TRABD2A: variants seen among roughly 807,000 people sequenced by gnomAD.
TRABD2A encodes metalloprotease TIKI1.
Under a neutral mutation model 45.6 loss-of-function variants are expected in TRABD2A, and 43 were observed. The observed-to-expected ratio is 0.94, with a 90% confidence interval of 0.74 to 1.22. The LOEUF (loss-of-function observed/expected upper bound fraction) is 1.22. Ranked by LOEUF, TRABD2A falls within the 50% of genes most tolerant of loss-of-function variation. The pLI is 0.00. For missense variants in TRABD2A, 642 were observed against 652.4 expected, an observed-to-expected ratio of 0.98 and a Z score of 0.17; for synonymous variants, 269 against 265.0, an observed-to-expected ratio of 1.02 and a Z score of -0.15.
intron 2 of TRABD2A, chr2:84,849,279 A>G (rs1231512875): frequency 1.3e-5 from 2 of 152,220 alleles, no homozygotes; most frequent in Non-Finnish European, 2.9e-5. Context: ...CATTTCTCCC[A>G]GATCTCAGAC....
chr2:84,825,054 G>T (rs186488054), intron 5 of TRABD2A, among the ~76,000 whole-genome samples: 1 of 152,282 alleles, frequency 6.6e-6, no homozygotes, highest in East Asian at 1.9e-4. Context: ...TGAAGGGGAT[G>T]GGGGAGCAGA....
At chr2:84,831,294 G>A (rs758809605) in intron 5 of TRABD2A, among the ~76,000 whole-genome samples, 19 of 152,162 alleles carry the variant, frequency 1.2e-4, no homozygotes, top group Non-Finnish European at 2.5e-4. Flanking sequence ...ACCTTGATCT[G>A]GGACTTTCAG....
chr2:84,824,789 T>C (rs1681105960), intron 5 of TRABD2A, among the ~76,000 whole-genome samples: 1 of 152,154 alleles, frequency 6.6e-6, no homozygotes, highest in African/African-American at 2.4e-5. Flanking sequence ...TTAACCCTCT[T>C]AACACTTTCT....
intron 2 of TRABD2A, among the ~76,000 whole-genome samples, chr2:84,856,194 AT>A (rs570705697): frequency 6.6e-6 from 1 of 151,994 alleles, no homozygotes; most frequent in East Asian, 1.9e-4. Context: ...CACCCAGATA[AT>A]TTTTTAAGAC....
intron 1 of TRABD2A, among the ~76,000 whole-genome samples, chr2:84,878,384 G>T (rs529323485): frequency 6.6e-6 from 1 of 152,088 alleles, no homozygotes; most frequent in East Asian, 1.9e-4. Flanking sequence ...AATTAGCCGG[G>T]CTTGGTGGTG....
intron 3 of TRABD2A, 140 bp downstream of exon 3, chr2:84,841,721 G>A: frequency 1.1e-6 from 1 of 880,684 alleles, no homozygotes; most frequent in Non-Finnish European, 1.6e-6. Flanking sequence ...CTCATTCAAT[G>A]ACATCTAAAT....
chr2:84,858,727 G>A (rs1413261453), intron 2 of TRABD2A, among the ~76,000 whole-genome samples: 1 of 152,166 alleles, frequency 6.6e-6, no homozygotes, highest in Non-Finnish European at 1.5e-5. Context: ...GGTTTGGAGA[G>A]AAGCTACAAA....
chr2:84,831,154 G>A (rs1681320832), intron 5 of TRABD2A, among the ~76,000 whole-genome samples: 1 of 152,056 alleles, frequency 6.6e-6, no homozygotes, highest in Non-Finnish European at 1.5e-5. Context: ...AATAGGACTA[G>A]TGTCCTTAGT....
intron 4 of TRABD2A, chr2:84,838,039 A>G: frequency 1.8e-6 from 1 of 566,166 alleles, no homozygotes; most frequent in South Asian, 2.5e-5. Context: ...CACACAGAGC[A>G]AGCTCTGAGT....
chr2:84,823,980 C>A lies in TRABD2A; in HGVS notation c.1307G>T (p.Ser436Ile), dbSNP rs374760126. The A allele has an allele frequency of 1.1e-5, 18 of 1,613,840 alleles. No individual in the cohort carries two copies. The highest frequency in any genetic ancestry group is 2.7e-5 in the African/African-American group (2 of 74,940). ...CTCCTCCAGGCGGACCCACAGATCG[C>A]TGAATTGCCGGAGTCGCGGCCTCCG... ...SQRRPRLRQF[S>I]DLWVRLEESD... Residue 436 changes from serine (S) to isoleucine (I), a missense_variant, in exon 6 of 7, where the codon AGC becomes ATC. Transcript: ENST00000409520.
At chr2:84,847,624 C>T (rs1485227053) in intron 2 of TRABD2A, among the ~76,000 whole-genome samples, 1 of 152,210 alleles carries the variant, frequency 6.6e-6, no homozygotes, top group African/African-American at 2.4e-5. Context: ...AAGGAGCAGG[C>T]ACAAGGGTCC....
intron 2 of TRABD2A, among the ~76,000 whole-genome samples, chr2:84,861,228 A>T (rs1272490119): frequency 1.3e-5 from 2 of 152,182 alleles, no homozygotes; most frequent in Admixed American, 6.5e-5. Context: ...GGATGATTCA[A>T]GCACATGACA....
rs771002842 is a variant in TRABD2A, at chr2:84,830,919, G to T, written c.1082+1136C>A. 6.6e-6 allele frequency among the ~76,000 whole-genome samples: 1 copy of T among 152,168 alleles called. No individual in the cohort carries two copies. Among genetic ancestry groups the T allele is most frequent in the South Asian group, 2.1e-4 (1 of 4,828 alleles). The stretch of plus-strand genomic sequence containing the variant: ...ATCCTCTGCCAGGGGATGGGCATTT[G>T]CATCCTGGAACTCTCTCGCTACAGC... On this transcript the variant is annotated intron_variant, in intron 5 of 6. Transcript: ENST00000409520. The surrounding 1 kb of genome is among the most constrained non-coding windows in gnomAD (Gnocchi z 4.9).
intron 2 of TRABD2A, among the ~76,000 whole-genome samples, chr2:84,855,505 C>T (rs1682244424): frequency 6.6e-6 from 1 of 152,142 alleles, no homozygotes; most frequent in Non-Finnish European, 1.5e-5. Context: ...CCCCTTCTCC[C>T]TCCCTCCAAT....
chr2:84,873,659 C>T (rs1301192815), intron 1 of TRABD2A, among the ~76,000 whole-genome samples: 1 of 152,194 alleles, frequency 6.6e-6, no homozygotes, highest in Non-Finnish European at 1.5e-5. Context: ...GTAGAAGACA[C>T]TGGGTAACTA....
Position 84,830,053 on chromosome 2 carries a change from T to C in TRABD2A, c.1082+2002A>G, listed in dbSNP as rs1374029806. Among the ~76,000 whole-genome samples the C allele has an allele frequency of 6.6e-6, 1 of 151,828 alleles. No homozygotes were observed. Among genetic ancestry groups the C allele is most frequent in the East Asian group, 1.9e-4 (1 of 5,182 alleles). On this transcript the variant is annotated intron_variant, in intron 5 of 6. Transcript: ENST00000409520. This position sits in a 1 kb window ranked among gnomAD's most constrained non-coding sequence, Gnocchi z 4.9. ...CACACACACGTACACACTCCCCAGG[T>C]AGGGCCCTCTCCAGCACCCTAAGGA... is the stretch of plus-strand genomic sequence containing the variant.
At chr2:84,848,790 T>G (rs929297084) in intron 2 of TRABD2A, among the ~76,000 whole-genome samples, 2 of 151,970 alleles carry the variant, frequency 1.3e-5, no homozygotes, top group Admixed American at 6.6e-5. Flanking sequence ...GCCAGGCTGG[T>G]CTTGAACTCC....
At chr2:84,829,959 C>T (rs1333305843) in intron 5 of TRABD2A, among the ~76,000 whole-genome samples, 1 of 150,630 alleles carries the variant, frequency 6.6e-6, no homozygotes, top group Non-Finnish European at 1.5e-5. Context: ...ACACACAACA[C>T]ACCCCTCACA....
rs1421372114 is a variant in TRABD2A, at chr2:84,821,849, T to G, written c.*68A>C. On this transcript the variant is annotated 3_prime_UTR_variant, in exon 7 of 7. Transcript: ENST00000409520. ...TGGGCCCAACAAGGCTAGACCAGAA[T>G]GTGGAGTACAGGAATGGCCATTCTT... 16 of 1,425,350 alleles carry G rather than the reference T, an allele frequency of 1.1e-5. No homozygotes were observed. Among genetic ancestry groups the G allele is most frequent in the Non-Finnish European group, 1.4e-5 (15 of 1,079,514 alleles). 88.3% of individuals were successfully genotyped at this position (1,425,350 alleles called of 1,614,324 possible).
Sources: gnomAD v4.1 joint callset for allele counts (sites outside exome capture counted in the v4.1 genomes callset) on GRCh38, gnomAD v4.1.1 for gene constraint, Gnocchi (gnomAD v3.1) non-coding constraint, MANE v1.5 for transcripts, NCBI Gene and HGNC (gene_info 2026-07-23, HGNC 2026-07-21) for gene names.